KCND2: variants seen among roughly 807,000 people sequenced by gnomAD.
The protein encoded by KCND2 is A-type voltage-gated potassium channel KCND2.
KCND2 carries 16 observed loss-of-function variants against 54.4 expected under a neutral mutation model. That is an observed-to-expected ratio of 0.29 (90% CI 0.20 to 0.45). The LOEUF (loss-of-function observed/expected upper bound fraction) is 0.45. KCND2 is among the 20% of genes least tolerant of loss of function. KCND2 has a pLI of 1.00. For synonymous variants in KCND2, 317 were observed against 310.7 expected (o/e 1.02, Z -0.21); for missense variants, 486 against 824.2 (o/e 0.59, Z 5.02).
chr7:120,292,549 A>C (rs988942806), intron 1 of KCND2, among the ~76,000 whole-genome samples: 1 of 151,858 alleles, frequency 6.6e-6, no homozygotes, highest in African/African-American at 2.4e-5. Context: ...TACCCATTTA[A>C]AGTTTCTCTT....
chr7:120,534,518 A>G (rs528977121), intron 1 of KCND2, among the ~76,000 whole-genome samples: 71 of 152,254 alleles, frequency 4.7e-4, no homozygotes, highest in African/African-American at 1.6e-3. Flanking sequence ...CTAAGGATGC[A>G]TGACACCTAA....
At position 120,392,614 on chromosome 7, in the gene KCND2, G is replaced by A. The variant is rs140549316; in HGVS notation, c.1115+116867G>A. ...TGGCCTTATATTTACTTTTTCTCTA[G>A]ACCATTTTATGTAAAAGTACGTTTT... On this transcript the variant is annotated intron_variant, in intron 1 of 5. Transcript: ENST00000331113. Among the ~76,000 whole-genome samples, 217 of 151,708 alleles carry A rather than the reference G, an allele frequency of 1.4e-3. 1 individual carries two copies. Among genetic ancestry groups the A allele is most frequent in the African/African-American group, 5.2e-3 (214 of 41,412 alleles).
chr7:120,392,450 T>C (rs1801092773), intron 1 of KCND2, among the ~76,000 whole-genome samples: 1 of 151,336 alleles, frequency 6.6e-6, no homozygotes, highest in African/African-American at 2.4e-5. Context: ...TTTTTTTTTT[T>C]AGTTCTGTGA....
intron 1 of KCND2, among the ~76,000 whole-genome samples, chr7:120,392,342 G>A (rs935007084): frequency 1.3e-5 from 2 of 151,772 alleles, no homozygotes; most frequent in Non-Finnish European, 2.9e-5. Flanking sequence ...TTGAAGTCAG[G>A]TAACATGATG....
rs186814664 is a variant in KCND2 at position 120,339,134 on chromosome 7, G to A, written c.1115+63387G>A. On this transcript the variant is annotated intron_variant, in intron 1 of 5. Coordinates refer to ENST00000331113, the MANE Select transcript of KCND2 (RefSeq NM_012281.3). ...TGGTCTCAATCTGACCTCGTGATCC[G>A]CCTGCCTCAGCCTCCCAAAGTGCTG... 2.6e-4 allele frequency among the ~76,000 whole-genome samples: 39 copies of A among 150,182 alleles called. No homozygotes were observed. In the East Asian group the frequency reaches 7.0e-3, roughly 27 times the overall value.
chr7:120,711,805 A>T (rs892759882), intron 1 of KCND2, among the ~76,000 whole-genome samples: 1 of 152,136 alleles, frequency 6.6e-6, no homozygotes, highest in African/African-American at 2.4e-5. Context: ...TTTATTTTTT[A>T]TTTTAATGTA....
chr7:120,680,023 G>A (rs888179054), intron 1 of KCND2, among the ~76,000 whole-genome samples: 11 of 151,994 alleles, frequency 7.2e-5, no homozygotes, highest in Admixed American at 6.6e-4. Context: ...GAATTAAAAG[G>A]GAAAGCTGCA....
At chr7:120,282,571 G>C (rs1030585312) in intron 1 of KCND2, among the ~76,000 whole-genome samples, 9 of 152,078 alleles carry the variant, frequency 5.9e-5, no homozygotes, top group African/African-American at 1.9e-4. Context: ...GGGGGAGTAG[G>C]GAATGAGTTC....
At chr7:120,491,890 T>C (rs1802785034) in intron 1 of KCND2, among the ~76,000 whole-genome samples, 1 of 152,144 alleles carries the variant, frequency 6.6e-6, no homozygotes, top group African/African-American at 2.4e-5. Flanking sequence ...ATATCTAGAA[T>C]GTAAAGAGAT....
chr7:120,275,172 C>T lies in KCND2; in HGVS notation c.540C>T (p.Thr180=). The T allele has an allele frequency of 6.2e-7, 1 of 1,614,064 alleles. No individual in the cohort carries two copies. Among genetic ancestry groups the T allele is most frequent in the Non-Finnish European group, 8.5e-7 (1 of 1,180,018 alleles). ...GGAGGGCCTTCGAGAACCCCCACAC[C>T]AGCACGATGGCCCTGGTGTTCTACT... ...RVWRAFENPH[T]STMALVFYYV... Residue 180 remains threonine, a synonymous_variant, in exon 1 of 6, where the codon ACC becomes ACT. Transcript: ENST00000331113.
At chr7:120,351,238 A>ATGTG (rs377729206) in intron 1 of KCND2, among the ~76,000 whole-genome samples, 14,199 of 64,468 alleles carry the variant, frequency 0.22, 737 homozygotes, top group Admixed American at 0.35. Flanking sequence ...ATATATTTAT[A>ATGTG]TGTGTGTATA....
chr7:120,599,729 G>A (rs1278256332), intron 1 of KCND2, among the ~76,000 whole-genome samples: 2 of 151,882 alleles, frequency 1.3e-5, no homozygotes, highest in East Asian at 3.9e-4. Context: ...TTTCTATGTA[G>A]AAAATCATAA....
chr7:120,630,784 A>G (rs1483304258), intron 1 of KCND2, among the ~76,000 whole-genome samples: 1 of 152,162 alleles, frequency 6.6e-6, no homozygotes, highest in South Asian at 2.1e-4. Flanking sequence ...TAAAACATCT[A>G]AGTTGAAGTT....
chr7:120,553,007 G>A (rs548102656), intron 1 of KCND2, among the ~76,000 whole-genome samples: 3 of 152,202 alleles, frequency 2.0e-5, no homozygotes, highest in East Asian at 3.9e-4. Flanking sequence ...GCTAATTAAC[G>A]TATCCATCAC....
chr7:120,661,663 A>G (rs1467976006), intron 1 of KCND2, among the ~76,000 whole-genome samples: 1 of 96,106 alleles, frequency 1.0e-5, no homozygotes, highest in African/African-American at 6.5e-5. Context: ...AAAAAAAAAG[A>G]AAGAAAGGAG....
chr7:120,680,516 G>A (rs1291207241), intron 1 of KCND2, among the ~76,000 whole-genome samples: 1 of 152,038 alleles, frequency 6.6e-6, no homozygotes, highest in African/African-American at 2.4e-5. Context: ...TGTAAAGCAG[G>A]ATAACATATG....
At chr7:120,430,958 C>G (rs1472313104) in intron 1 of KCND2, among the ~76,000 whole-genome samples, 2 of 152,120 alleles carry the variant, frequency 1.3e-5, no homozygotes, top group African/African-American at 4.8e-5. Context: ...GTACAAATAT[C>G]TAATGTGGCA....
At chr7:120,347,213 T>C (rs1438076194) in intron 1 of KCND2, among the ~76,000 whole-genome samples, 1 of 152,168 alleles carries the variant, frequency 6.6e-6, no homozygotes, top group Non-Finnish European at 1.5e-5. Context: ...TTTATTTCTT[T>C]TCTGTTTTTG....
chr7:120,326,766 A>C (rs931377951), intron 1 of KCND2, among the ~76,000 whole-genome samples: 2 of 148,212 alleles, frequency 1.3e-5, no homozygotes. Flanking sequence ...AGTAAACTGC[A>C]GGAAAGCAGC....
Sources: gnomAD v4.1 joint callset for allele counts (sites outside exome capture counted in the v4.1 genomes callset) on GRCh38, gnomAD v4.1.1 for gene constraint, MANE v1.5 for transcripts, NCBI Gene and HGNC (gene_info 2026-07-23, HGNC 2026-07-21) for gene names.